SNX27: variants seen among roughly 807,000 people sequenced by gnomAD.
SNX27 encodes the protein sorting nexin-27.
In SNX27, 22 loss-of-function variants were observed where a neutral mutation model predicts 71.6. That is an observed-to-expected ratio of 0.31 (90% CI 0.22 to 0.44). The LOEUF (loss-of-function observed/expected upper bound fraction) is 0.44, where lower values mean the gene tolerates loss of function less well. Ranked by LOEUF, SNX27 falls within the 20% of genes least tolerant of loss-of-function variation. The pLI, the probability that SNX27 is intolerant of heterozygous loss-of-function variation, is 1.00. For missense variants in SNX27, 531 were observed against 698.6 expected (o/e 0.76, Z 2.70); for synonymous variants, 269 against 277.2 (o/e 0.97, Z 0.29).
In SNX27 at chr1:151,612,264, C is replaced by T; in HGVS notation, c.63C>T (p.Gly21=). 2 of 1,448,722 alleles carry T rather than the reference C, an allele frequency of 1.4e-6. No homozygotes were observed. The highest frequency in any genetic ancestry group is 1.8e-6 in the Non-Finnish European group (2 of 1,103,628). 89.7% of individuals were successfully genotyped at this position (1,448,722 alleles called of 1,614,324 possible). ...PSAPHRNGGG[G]GGGGSGLHCA... ...CCCCTCACAGGAACGGAGGTGGCGGCGGCGGCGGGGGGTCTGGGCTCCACT... is the reference window on the plus strand; with the variant it reads ...CCCCTCACAGGAACGGAGGTGGCGGTGGCGGCGGGGGGTCTGGGCTCCACT... The change falls in exon 1 of 12, where the codon GGC becomes GGT. Residue 21 remains glycine (G), a synonymous_variant. Transcript: ENST00000458013. This position sits in a 1 kb window ranked among gnomAD's most constrained non-coding sequence, Gnocchi z 5.2.
intron 8 of SNX27, among the ~76,000 whole-genome samples, chr1:151,685,975 C>G (rs1292520308): frequency 6.6e-6 from 1 of 152,170 alleles, no homozygotes. Context: ...TCCACCTGTT[C>G]TTTAAGATAA....
chr1:151,682,065 C>T (rs1181001666), intron 7 of SNX27, among the ~76,000 whole-genome samples: 1 of 152,178 alleles, frequency 6.6e-6, no homozygotes, highest in Non-Finnish European at 1.5e-5. Context: ...CATTGTAATG[C>T]AGCATTATAT....
chr1:151,681,980 A>C (rs1670987638), intron 7 of SNX27, among the ~76,000 whole-genome samples: 1 of 152,192 alleles, frequency 6.6e-6, no homozygotes, highest in African/African-American at 2.4e-5. Context: ...GGCTTCCCTG[A>C]TAACTGTAAT....
intron 7 of SNX27, among the ~76,000 whole-genome samples, chr1:151,670,279 C>CT (rs1290848491): frequency 6.6e-6 from 1 of 152,194 alleles, no homozygotes; most frequent in Non-Finnish European, 1.5e-5. Context: ...ACCACATTTT[C>CT]TTTATCCATT....
chr1:151,624,219 G>C (rs138588362), intron 1 of SNX27, among the ~76,000 whole-genome samples: 1,838 of 151,950 alleles, frequency 0.012, 44 homozygotes, highest in African/African-American at 0.041. Context: ...TCCTGCCTTG[G>C]CCTCCCAAAG....
chr1:151,690,627 T>A (rs190374797), intron 8 of SNX27, among the ~76,000 whole-genome samples: 4 of 151,516 alleles, frequency 2.6e-5, no homozygotes, highest in East Asian at 1.9e-4. Context: ...TTTTTTTTTT[T>A]ATAGAGATGG....
intron 1 of SNX27, among the ~76,000 whole-genome samples, chr1:151,615,102 G>A (rs1667368759): frequency 6.6e-6 from 1 of 152,200 alleles, no homozygotes; most frequent in Non-Finnish European, 1.5e-5. Flanking sequence ...CACATCCTTT[G>A]TGGTAAGTAG....
At chr1:151,676,887 T>C (rs190464519) in intron 7 of SNX27, 3 of 152,228 alleles carry the variant, frequency 2.0e-5, no homozygotes, top group African/African-American at 7.2e-5. Context: ...GATTCATTTC[T>C]AATACATTAT....
At chr1:151,676,298 TTTTTTTTTTTTTTTTTTTTTTTTTTG>T (rs1670699667) in intron 7 of SNX27, 3 of 40,762 alleles carry the variant, frequency 7.4e-5, no homozygotes, top group African/African-American at 3.0e-4. Context: ...TTTTTTTTTT[TTTTTTTTTTTTTTTTTTTTTTTTTTG>T]AGACAGAGTC....
chr1:151,628,081 A>G (rs1668029314), intron 1 of SNX27, among the ~76,000 whole-genome samples: 1 of 146,174 alleles, frequency 6.8e-6, no homozygotes, highest in Non-Finnish European at 1.5e-5. Context: ...ATCTTGGCTC[A>G]CTGCAACCTA....
intron 7 of SNX27, 59 bp from the exon 8 acceptor site, chr1:151,683,297 G>C (rs1203175432): frequency 1.5e-6 from 2 of 1,379,188 alleles, no homozygotes; most frequent in Non-Finnish European, 1.0e-6. Context: ...TTTTCATCGA[G>C]AATGTACATA....
At chr1:151,651,388 C>A (rs574037998) in intron 2 of SNX27, among the ~76,000 whole-genome samples, 11 of 149,888 alleles carry the variant, frequency 7.3e-5, no homozygotes, top group South Asian at 4.2e-4. Flanking sequence ...GCTGACCCCC[C>A]CCACCTCCCT....
chr1:151,693,499 C>T lies in SNX27; in HGVS notation c.1578+16C>T, dbSNP rs755431568. The T allele has an allele frequency of 6.2e-7, 1 of 1,613,826 alleles. No individual in the cohort carries two copies. The highest frequency in any genetic ancestry group is 8.5e-7 in the Non-Finnish European group (1 of 1,179,762). ...GAGAAAAGAGGTAATTCTGAACAGT[C>T]CTTGAATTGACCTTTTCATCTTTTT... On this transcript the variant is annotated intron_variant, in intron 11 of 11. Coordinates refer to ENST00000458013, the MANE Select transcript of SNX27 (RefSeq NM_001330723.2).
chr1:151,674,727 G>A (rs375155344), intron 7 of SNX27, among the ~76,000 whole-genome samples: 9 of 150,870 alleles, frequency 6.0e-5, no homozygotes, highest in Non-Finnish European at 3.0e-5. Flanking sequence ...TCGCTTTGTC[G>A]CCAGGCTAGA....
At chr1:151,642,033 A>G (rs1013690164) in intron 2 of SNX27, among the ~76,000 whole-genome samples, 8 of 148,114 alleles carry the variant, frequency 5.4e-5, no homozygotes, top group Non-Finnish European at 1.0e-4. Flanking sequence ...TGAGATATAT[A>G]TATATCAGAT....
At chr1:151,624,434 TA>T (rs71090201) in intron 1 of SNX27, among the ~76,000 whole-genome samples, 8 of 144,674 alleles carry the variant, frequency 5.5e-5, no homozygotes, top group African/African-American at 1.8e-4. Flanking sequence ...TATATATATG[TA>T]TTTTTTTTTT....
intron 2 of SNX27, among the ~76,000 whole-genome samples, chr1:151,650,798 T>C (rs1025999647): frequency 1.3e-5 from 2 of 151,626 alleles, no homozygotes; most frequent in Non-Finnish European, 2.9e-5. Flanking sequence ...GGAGTGGTGA[T>C]GACTCTTAAC....
Position 151,612,170 on chromosome 1 carries a change from G to C in SNX27, c.-32G>C. On this transcript the variant is annotated 5_prime_UTR_variant, in exon 1 of 12. Coordinates refer to ENST00000458013, the MANE Select transcript of SNX27 (RefSeq NM_001330723.2). This position sits in a 1 kb window ranked among gnomAD's most constrained non-coding sequence, Gnocchi z 5.2. ...CGCGCCGGGAGGCCTTGGAGGCGTA[G>C]GGGGCGGGGGTACGGCTCGCCTGCT... 5 of 1,312,316 alleles carry C rather than the reference G, an allele frequency of 3.8e-6. No individual in the cohort carries two copies. The South Asian group carries it at 1.0e-4, about 27-fold the overall frequency. 81.3% of individuals were successfully genotyped at this position (1,312,316 alleles called of 1,614,324 possible). A position where few individuals can be genotyped will look rare whatever the true frequency, so the allele number is the denominator to read the frequency against.
At chr1:151,644,888 T>C (rs1350402761) in intron 2 of SNX27, among the ~76,000 whole-genome samples, 2 of 152,110 alleles carry the variant, frequency 1.3e-5, no homozygotes, top group Admixed American at 1.3e-4. Context: ...AGCCTCTGCC[T>C]CCCGGGTTCA....
Sources: allele counts gnomAD v4.1 joint callset (sites outside exome capture counted in the v4.1 genomes callset), GRCh38; gene constraint gnomAD v4.1.1; non-coding constraint Gnocchi (gnomAD v3.1); transcripts MANE v1.5; gene names NCBI Gene and HGNC (gene_info 2026-07-23, HGNC 2026-07-21).